The following CCNY variants were observed in gnomAD, a reference collection of about 807,000 sequenced individuals.
The protein encoded by CCNY is cyclin Y.
A neutral mutation model predicts 42.8 loss-of-function variants in CCNY; 19 were observed. The ratio of observed to expected loss-of-function variants is 0.44; its 90% CI spans 0.31 to 0.65. CCNY has a LOEUF of 0.65. CCNY is among the 30% of genes least tolerant of loss of function. The pLI, the probability that CCNY is intolerant of heterozygous loss-of-function variation, is 0.07. For missense variants in CCNY, 370 were observed against 437.3 expected, an observed-to-expected ratio of 0.85 and a Z score of 1.37; for synonymous variants, 165 against 162.7, an observed-to-expected ratio of 1.01 and a Z score of -0.11.
At chr10:35,427,734 C>T (rs1838300572) in intron 1 of CCNY, among the ~76,000 whole-genome samples, 1 of 152,204 alleles carries the variant, frequency 6.6e-6, no homozygotes, top group African/African-American at 2.4e-5. Context: ...AGAGATTTTC[C>T]AAAACAAAGT....
chr10:35,370,376 C>T (rs932900344), intron 1 of CCNY, among the ~76,000 whole-genome samples: 2 of 152,106 alleles, frequency 1.3e-5, no homozygotes, highest in East Asian at 1.9e-4. Context: ...TGGTCTTGAT[C>T]TCCTGACCTT....
At position 35,503,128 on chromosome 10, in the gene CCNY, C is replaced by T. The variant is rs1211314918; in HGVS notation, c.264+1593C>T. ...AGGCACACACCTAACCTTGCCATTTCGTGTCCTGTATAGTCTGAGCACCTG... is the reference window on the plus strand; with the variant it reads ...AGGCACACACCTAACCTTGCCATTTTGTGTCCTGTATAGTCTGAGCACCTG... On this transcript the variant is annotated intron_variant, in intron 3 of 9. Coordinates refer to ENST00000374704, the MANE Select transcript of CCNY (RefSeq NM_145012.6). 5.3e-5 allele frequency among the ~76,000 whole-genome samples: 8 copies of T among 152,094 alleles called. 1 individual carries two copies. In the South Asian group the frequency reaches 8.3e-4, roughly 16 times the overall value.
chr10:35,255,390 G>A (rs35969476), intron 3 of CCNY, among the ~76,000 whole-genome samples: 54,556 of 149,896 alleles, frequency 0.36, 10,326 homozygotes, highest in African/African-American at 0.47. Context: ...GCACGATCTC[G>A]GCTCATTTCA....
chr10:35,568,394 C>T (rs1841613720), intron 9 of CCNY, among the ~76,000 whole-genome samples: 1 of 152,216 alleles, frequency 6.6e-6, no homozygotes, highest in Non-Finnish European at 1.5e-5. Context: ...TACCATCAGC[C>T]AGTTCTAGCC....
At chr10:35,508,935 A>C (rs1840267269) in intron 3 of CCNY, among the ~76,000 whole-genome samples, 1 of 151,940 alleles carries the variant, frequency 6.6e-6, no homozygotes, top group African/African-American at 2.4e-5. Context: ...CCACTAGTCT[A>C]CTGTTTGTAG....
chr10:35,385,122 C>A (rs539104580), intron 1 of CCNY, among the ~76,000 whole-genome samples: 1 of 152,312 alleles, frequency 6.6e-6, no homozygotes, highest in South Asian at 2.1e-4. Context: ...AGGTACATAA[C>A]AGCTATCGAT....
At chr10:35,315,172 A>G (rs1241792948) in intron 3 of CCNY, 2 of 152,216 alleles carry the variant, frequency 1.3e-5, no homozygotes, top group African/African-American at 4.8e-5. Context: ...AACTTCTGTC[A>G]TGAGGGTTGG....
intron 2 of CCNY, among the ~76,000 whole-genome samples, chr10:35,485,530 C>T (rs1368458396): frequency 2.6e-5 from 4 of 152,112 alleles, no homozygotes; most frequent in African/African-American, 7.2e-5. Flanking sequence ...TCGAGACCAT[C>T]CTAGCTAACA....
chr10:35,449,784 G>T (rs1464965373), intron 1 of CCNY: 1 of 985,256 alleles, frequency 1.0e-6, no homozygotes, highest in Non-Finnish European at 1.2e-6. Flanking sequence ...TGCTTCTCCT[G>T]GCCTCTGTCT....
rs144668000 is a variant in CCNY, at chr10:35,368,746, C to T, written c.154+31539C>T. Among the ~76,000 whole-genome samples, 641 of 152,290 alleles carry T rather than the reference C, an allele frequency of 4.2e-3. 2 individuals are homozygous for T. The highest frequency in any genetic ancestry group is 0.014 in the African/African-American group (592 of 41,564). ...GGCGGTGTGGCATAGGAGTGCCCTT[C>T]CAACTTGGGAATAAGGTAGAAGCTT... On this transcript the variant is annotated intron_variant, in intron 1 of 9. Transcript: ENST00000374704.
intron 1 of CCNY, among the ~76,000 whole-genome samples, chr10:35,428,846 T>C (rs1469104597): frequency 1.3e-5 from 2 of 152,152 alleles, no homozygotes; most frequent in Admixed American, 6.5e-5. Context: ...TTGCATGCAC[T>C]GCAGGAACAG....
At chr10:35,520,317 C>G (rs1589176174) in intron 4 of CCNY, among the ~76,000 whole-genome samples, 1 of 152,182 alleles carries the variant, frequency 6.6e-6, no homozygotes, top group Non-Finnish European at 1.5e-5. Context: ...ACATGCCATC[C>G]CATTCTAAAA....
chr10:35,402,788 T>C (rs1837671341), intron 1 of CCNY, among the ~76,000 whole-genome samples: 1 of 152,096 alleles, frequency 6.6e-6, no homozygotes, highest in African/African-American at 2.4e-5. Context: ...TCTGTCCACT[T>C]CAAGAGAGAC....
intron 8 of CCNY, among the ~76,000 whole-genome samples, chr10:35,554,905 A>ACTCTTTT (rs1841332165): frequency 6.6e-6 from 1 of 152,266 alleles, no homozygotes. Context: ...AGAGGTGTGG[A>ACTCTTTT]GGAGATGCCT....
chr10:35,541,048 A>C (rs1218576334), intron 7 of CCNY, among the ~76,000 whole-genome samples: 4 of 150,700 alleles, frequency 2.7e-5, no homozygotes, highest in African/African-American at 4.9e-5. Context: ...CCTTCCTTCT[A>C]CTTACTTTGG....
intron 1 of CCNY, among the ~76,000 whole-genome samples, chr10:35,347,117 A>C (rs935646944): frequency 6.6e-6 from 1 of 152,194 alleles, no homozygotes; most frequent in Non-Finnish European, 1.5e-5. Flanking sequence ...TTCACTGCAG[A>C]CACATTATCC....
At chr10:35,537,222 G>A (rs1270945330) in intron 7 of CCNY, among the ~76,000 whole-genome samples, 1 of 152,226 alleles carries the variant, frequency 6.6e-6, no homozygotes, top group Non-Finnish European at 1.5e-5. Context: ...GTCAAGAATT[G>A]AGGTTTGCCT....
At position 35,570,452 on chromosome 10, in the gene CCNY, T is replaced by A. The variant is rs998324335; in HGVS notation, c.*1282T>A. The A allele has an allele frequency of 3.9e-5, 6 of 152,332 alleles. No homozygotes were observed. Among genetic ancestry groups the A allele is most frequent in the African/African-American group, 1.4e-4 (6 of 41,454 alleles). 9.4% of individuals were successfully genotyped at this position (152,332 alleles called of 1,614,324 possible). ...TTTCATTTTCTGACGATCCCTGATT[T>A]CCTTATGGACTCAATAAGAATCTTT... On this transcript the variant is annotated 3_prime_UTR_variant, in exon 10 of 10. Coordinates refer to ENST00000374704, the MANE Select transcript of CCNY (RefSeq NM_145012.6).
chr10:35,461,718 G>C (rs1323079938), intron 1 of CCNY, among the ~76,000 whole-genome samples: 2 of 152,132 alleles, frequency 1.3e-5, no homozygotes, highest in Non-Finnish European at 2.9e-5. Context: ...CTCTTTTGCT[G>C]CCCTTTTTCT....
Sources: allele counts gnomAD v4.1 joint callset (sites outside exome capture counted in the v4.1 genomes callset), GRCh38; gene constraint gnomAD v4.1.1; transcripts MANE v1.5; gene names NCBI Gene and HGNC (gene_info 2026-07-23, HGNC 2026-07-21).